Variants in PTPRM observed in about 807,000 individuals in gnomAD.
The protein encoded by PTPRM is receptor-type tyrosine-protein phosphatase mu.
PTPRM carries 47 observed loss-of-function variants against 186.7 expected under a neutral mutation model. That is an observed-to-expected ratio of 0.25 (90% CI 0.20 to 0.32). The LOEUF (loss-of-function observed/expected upper bound fraction) is 0.32, where lower values mean the gene tolerates loss of function less well. PTPRM is among the 10% of genes least tolerant of loss of function. The probability of loss-of-function intolerance (pLI) is 1.00; values close to 1 mark genes in which losing one functional copy is unlikely to be tolerated. For missense variants in PTPRM, 1,494 were observed against 1,865.0 expected (o/e 0.80, Z 3.66); for synonymous variants, 668 against 674.9 (o/e 0.99, Z 0.16).
intron 14 of PTPRM, among the ~76,000 whole-genome samples, chr18:8,197,385 C>T (rs1177208303): frequency 6.6e-6 from 1 of 152,122 alleles, no homozygotes. Context: ...TCAATGTGGT[C>T]ATCAACTCTT....
chr18:8,073,897 C>A (rs1254145533), intron 8 of PTPRM, among the ~76,000 whole-genome samples: 1 of 152,094 alleles, frequency 6.6e-6, no homozygotes, highest in African/African-American at 2.4e-5. Context: ...AGAGCAAGAC[C>A]CTATTTCCAA....
At chr18:8,326,633 C>T (rs1029482079) in intron 22 of PTPRM, among the ~76,000 whole-genome samples, 1 of 152,154 alleles carries the variant, frequency 6.6e-6, no homozygotes, top group Non-Finnish European at 1.5e-5. Context: ...TGGTGCCACA[C>T]ACCTACAACC....
intron 14 of PTPRM, among the ~76,000 whole-genome samples, chr18:8,239,156 C>T (rs1232962584): frequency 8.7e-6 from 1 of 114,628 alleles, no homozygotes; most frequent in African/African-American, 3.3e-5. Context: ...TCCCCCCACC[C>T]CACAAGAGTC....
At chr18:8,379,052 G>A (rs2148501788) in intron 27 of PTPRM, 115 bp from the exon 28 acceptor site, 2 of 799,912 alleles carry the variant, frequency 2.5e-6, no homozygotes, top group South Asian at 2.2e-5. Context: ...GGAGGGAGGG[G>A]GAAGGGACCG....
intron 14 of PTPRM, among the ~76,000 whole-genome samples, chr18:8,196,490 T>C (rs1319368358): frequency 1.3e-5 from 2 of 152,220 alleles, no homozygotes. Context: ...CATACTGGTT[T>C]CGTACAACTC....
chr18:8,385,112 G>A (rs1409090988), intron 30 of PTPRM, among the ~76,000 whole-genome samples: 1 of 152,122 alleles, frequency 6.6e-6, no homozygotes, highest in Non-Finnish European at 1.5e-5. Context: ...CAGGATTCTG[G>A]CTGAAGGCAG....
At position 8,319,659 on chromosome 18, in the gene PTPRM, G is replaced by A. The variant is rs1294873808; in HGVS notation, c.2956+445G>A. Among the ~76,000 whole-genome samples, 5 of 152,344 alleles carry A rather than the reference G, an allele frequency of 3.3e-5. 1 individual carries two copies. The Middle Eastern group carries it at 0.017, about 518-fold the overall frequency. On this transcript the variant is annotated intron_variant, in intron 22 of 32. Coordinates refer to ENST00000580170, the MANE Select transcript of PTPRM (RefSeq NM_001105244.2). ...TGTATGTACTTTAGTAGGTACAGTG[G>A]CAGGTGACATCTGTGAGAGGAACAG...
intron 20 of PTPRM, among the ~76,000 whole-genome samples, chr18:8,313,312 C>G (rs2095283500): frequency 6.6e-6 from 1 of 152,132 alleles, no homozygotes; most frequent in Non-Finnish European, 1.5e-5. Flanking sequence ...GGGCAGCTGG[C>G]TTTTATCTGT....
chr18:8,265,856 A>G, intron 19 of PTPRM, among the ~76,000 whole-genome samples: 1 of 152,204 alleles, frequency 6.6e-6, no homozygotes, highest in Admixed American at 6.5e-5. Context: ...TATTAGCAGT[A>G]GTACGGTCTC....
At chr18:7,700,975 C>CAAAAAAAAAAAAAAAAAAA (rs1262649146) in intron 1 of PTPRM, among the ~76,000 whole-genome samples, 1 of 60,994 alleles carries the variant, frequency 1.6e-5, no homozygotes, top group Admixed American at 2.1e-4. Context: ...GAGCCTATCT[C>CAAAAAAAAAAAAAAAAAAA]AAAAAAAAAA....
chr18:7,714,955 C>T (rs116602988), intron 1 of PTPRM, among the ~76,000 whole-genome samples: 3,168 of 152,000 alleles, frequency 0.021, 109 homozygotes, highest in African/African-American at 0.071. Context: ...CCATTCCTTC[C>T]GAAACTATTC....
intron 14 of PTPRM, among the ~76,000 whole-genome samples, chr18:8,217,286 G>A (rs2094100392): frequency 1.3e-5 from 2 of 152,100 alleles, no homozygotes; most frequent in African/African-American, 4.8e-5. Context: ...CGCATAAGTC[G>A]GCAAGTCAGT....
At chr18:8,196,217 T>TGTC (rs745374282) in intron 14 of PTPRM, among the ~76,000 whole-genome samples, 191 of 152,336 alleles carry the variant, frequency 1.3e-3, no homozygotes, top group Non-Finnish European at 2.2e-3. Flanking sequence ...GAGTGGGGCC[T>TGTC]GTCACCTTAA....
chr18:8,025,378 G>C (rs1413663354), intron 7 of PTPRM, among the ~76,000 whole-genome samples: 1 of 152,146 alleles, frequency 6.6e-6, no homozygotes. Flanking sequence ...TTGTCAAATA[G>C]AGACATAAAG....
intron 1 of PTPRM, among the ~76,000 whole-genome samples, chr18:7,648,371 G>C (rs771758669): frequency 2.0e-5 from 3 of 152,108 alleles, no homozygotes; most frequent in Non-Finnish European, 4.4e-5. Flanking sequence ...TGGCCTCTAA[G>C]TGTTTAAGAG....
intron 21 of PTPRM, among the ~76,000 whole-genome samples, chr18:8,316,805 C>T (rs1048731979): frequency 6.6e-6 from 1 of 152,124 alleles, no homozygotes; most frequent in Non-Finnish European, 1.5e-5. Flanking sequence ...AATTTTGAAT[C>T]GAGTGGCTCA....
At chr18:7,682,518 A>T (rs1225469715) in intron 1 of PTPRM, among the ~76,000 whole-genome samples, 18 of 152,110 alleles carry the variant, frequency 1.2e-4, no homozygotes, top group Admixed American at 1.2e-3. Flanking sequence ...TTCTCAGGGT[A>T]TGGGACAATT....
intron 23 of PTPRM, among the ~76,000 whole-genome samples, chr18:8,357,534 G>A (rs180944241): frequency 4.1e-4 from 63 of 152,232 alleles, no homozygotes; most frequent in Non-Finnish European, 8.7e-4. Flanking sequence ...AGTAGGGAGG[G>A]GGTCCTTGGA....
At chr18:7,998,233 A>G (rs1276810815) in intron 7 of PTPRM, among the ~76,000 whole-genome samples, 1 of 152,022 alleles carries the variant, frequency 6.6e-6, no homozygotes, top group African/African-American at 2.4e-5. Flanking sequence ...TTGAAGCAAC[A>G]TGGATGAGCC....
Sources: gnomAD v4.1 joint callset for allele counts (sites outside exome capture counted in the v4.1 genomes callset) on GRCh38, gnomAD v4.1.1 for gene constraint, MANE v1.5 for transcripts, NCBI Gene and HGNC (gene_info 2026-07-23, HGNC 2026-07-21) for gene names.